Variants in ITPKB observed in about 807,000 individuals in gnomAD.
ITPKB encodes inositol-trisphosphate 3-kinase B, also known as IP3 3-kinase B.
ITPKB carries 13 observed loss-of-function variants against 69.4 expected under a neutral mutation model. The ratio of observed to expected loss-of-function variants is 0.19; its 90% confidence interval spans 0.12 to 0.30. The LOEUF (loss-of-function observed/expected upper bound fraction) is 0.30. Among genes scored for constraint, ITPKB ranks in the 10% least tolerant of loss-of-function variants. ITPKB has a pLI of 1.00. For synonymous variants in ITPKB, 584 were observed against 513.7 expected (o/e 1.14, Z -1.85); for missense variants, 1,240 against 1,250.5 (o/e 0.99, Z 0.13).
intron 3 of ITPKB, among the ~76,000 whole-genome samples, 196 bp downstream of exon 3, chr1:226,648,476 C>T (rs752029115): frequency 3.3e-5 from 5 of 151,998 alleles, no homozygotes; most frequent in African/African-American, 1.2e-4. Context: ...GTAACACAGA[C>T]TCCAGAGAGG....
chr1:226,694,782 GACATTGTCAA>G (rs1486618114), intron 2 of ITPKB, among the ~76,000 whole-genome samples: 1 of 152,214 alleles, frequency 6.6e-6, no homozygotes, highest in African/African-American at 2.4e-5. Flanking sequence ...AATGTCTCCA[GACATTGTCAA>G]ACATCCCCTA....
intron 2 of ITPKB, among the ~76,000 whole-genome samples, chr1:226,700,101 G>A (rs1281913283): frequency 6.6e-6 from 1 of 152,080 alleles, no homozygotes; most frequent in Non-Finnish European, 1.5e-5. Flanking sequence ...ATTAAGGGTG[G>A]GTCTGCCTTT....
At chr1:226,679,301 T>C (rs528074152) in intron 2 of ITPKB, among the ~76,000 whole-genome samples, 7 of 152,366 alleles carry the variant, frequency 4.6e-5, no homozygotes, top group Non-Finnish European at 8.8e-5. Flanking sequence ...TGATCTTATT[T>C]AAAATCTCTG....
At chr1:226,716,558 C>A (rs939407937) in intron 2 of ITPKB, among the ~76,000 whole-genome samples, 1 of 152,214 alleles carries the variant, frequency 6.6e-6, no homozygotes, top group Admixed American at 6.5e-5. Context: ...TATCCTGATG[C>A]TTTCCCTACC....
chr1:226,639,447 G>A (rs1668906901), intron 6 of ITPKB, 110 bp downstream of exon 6: 1 of 759,214 alleles, frequency 1.3e-6, no homozygotes, highest in Admixed American at 1.9e-5. Flanking sequence ...TCGGGCTGGG[G>A]TGTGCTGTCC....
chr1:226,662,358 A>G (rs1386187600), intron 2 of ITPKB, among the ~76,000 whole-genome samples: 1 of 152,244 alleles, frequency 6.6e-6, no homozygotes, highest in African/African-American at 2.4e-5. Context: ...TCCCAGGCAC[A>G]GCCCTGCTAA....
intron 2 of ITPKB, chr1:226,707,760 T>C (rs909608952): frequency 9.4e-7 from 1 of 1,063,252 alleles, no homozygotes; most frequent in Non-Finnish European, 1.2e-6. Flanking sequence ...CCAATGGTCG[T>C]AGGGAAACTG....
At chr1:226,720,967 G>C (rs981182518) in intron 2 of ITPKB, among the ~76,000 whole-genome samples, 1 of 136,368 alleles carries the variant, frequency 7.3e-6, no homozygotes, top group Non-Finnish European at 1.6e-5. Flanking sequence ...GCTTGAACCC[G>C]GGCAGCAGAG....
At position 226,735,787 on chromosome 1, in the gene ITPKB, T is replaced by C. The variant is rs1427856557; in HGVS notation, c.1672A>G (p.Arg558Gly). Residue 558 changes from arginine to glycine, a missense_variant, in exon 2 of 8, where the codon AGG becomes GGG. By Grantham distance (125) the Arg-to-Gly change is moderately radical. Transcript: ENST00000429204. ...LPQDPDKPFL[R>G]KACSPSNIPA... ...ATGTTGCTGGGGCTGCAGGCCTTCC[T>C]CAGGAAAGGCTTGTCCGGATCTTGG... is the stretch of plus-strand genomic sequence containing the variant. 6.2e-7 allele frequency: 1 copy of C among 1,602,284 alleles called. No homozygotes were observed. The highest frequency in any genetic ancestry group is 8.5e-7 in the Non-Finnish European group (1 of 1,170,810).
At position 226,737,011 on chromosome 1, in the gene ITPKB, A is replaced by G; in HGVS notation, c.448T>C (p.Phe150Leu). The G allele has an allele frequency of 1.2e-6, 2 of 1,612,796 alleles. No homozygotes were observed. The highest frequency in any genetic ancestry group is 1.7e-5 in the Admixed American group (1 of 60,028). ...CTCTGTGCCTGGATGTGCGCCTCAA[A>G]CATGCCCACTTTCTGGTTCACCTGC... ...NVQVNQKVGM[F>L]EAHIQAQSSA... Residue 150 changes from phenylalanine to leucine, a missense_variant, in exon 2 of 8, where the codon TTT becomes CTT. Around this residue, in one of 2 missense-constraint regions of ITPKB, gnomAD observed 992 missense variants for 853.8 expected, o/e 1.16. Coordinates refer to ENST00000429204, the MANE Select transcript of ITPKB (RefSeq NM_002221.4).
In ITPKB at chr1:226,647,304, C is replaced by T; in HGVS notation, c.2109G>A (p.Leu703=). 3 of 1,614,238 alleles carry T rather than the reference C, an allele frequency of 1.9e-6. No homozygotes were observed. Among genetic ancestry groups the T allele is most frequent in the Non-Finnish European group, 2.5e-6 (3 of 1,180,040 alleles). The part of the protein sequence containing the change: ...CESEQRCLDR[L]MVDVLRPFVP... Reference sequence around the variant, plus strand: ...CGAAGGGCCTCAGCACATCCACCATCAGCCGGTCCAGGCAGCGCTGCTCTG... The same window carrying T: ...CGAAGGGCCTCAGCACATCCACCATTAGCCGGTCCAGGCAGCGCTGCTCTG... Residue 703 remains leucine, a synonymous_variant, in exon 4 of 8, where the codon CTG becomes CTA. Coordinates refer to ENST00000429204, the MANE Select transcript of ITPKB (RefSeq NM_002221.4).
At chr1:226,718,070 C>T (rs1008674443) in intron 2 of ITPKB, among the ~76,000 whole-genome samples, 5 of 151,090 alleles carry the variant, frequency 3.3e-5, no homozygotes, top group Admixed American at 6.6e-5. Context: ...CCGAGGCAGG[C>T]GGATCACAAG....
At chr1:226,701,603 CAAAAAAAA>C (rs58756019) in intron 2 of ITPKB, among the ~76,000 whole-genome samples, 831 of 44,838 alleles carry the variant, frequency 0.019, 7 homozygotes, top group Non-Finnish European at 0.028. Flanking sequence ...GACTCCGTCT[CAAAAAAAA>C]AAAAAAAAAA....
chr1:226,724,632 C>T (rs1234918215), intron 2 of ITPKB, among the ~76,000 whole-genome samples: 3 of 152,156 alleles, frequency 2.0e-5, no homozygotes, highest in Non-Finnish European at 4.4e-5. Flanking sequence ...TAGGGTCACA[C>T]AGATAGGAAG....
At chr1:226,636,752 C>CTGTGTG (rs3831353) in intron 7 of ITPKB, among the ~76,000 whole-genome samples, 2,058 of 140,042 alleles carry the variant, frequency 0.015, 24 homozygotes, top group African/African-American at 0.021. Context: ...GACTGCAGCT[C>CTGTGTG]TGTGTGTGTG....
Position 226,641,776 on chromosome 1 carries a change from C to T in ITPKB, c.2451+145G>A. 1 of 741,510 alleles carries T rather than the reference C, an allele frequency of 1.3e-6. No homozygotes were observed. Among genetic ancestry groups the T allele is most frequent in the East Asian group, 2.6e-5 (1 of 38,450 alleles). 45.9% of individuals were successfully genotyped at this position (741,510 alleles called of 1,614,324 possible). ...CGCCTGAGGAATAGGCTGATGTCTC[C>T]AAATGTCTGGCCTTGGGGCGGGCCA... On this transcript the variant is annotated intron_variant, in intron 5 of 7. Transcript: ENST00000429204. This position sits in a 1 kb window ranked among gnomAD's most constrained non-coding sequence, Gnocchi z 4.6.
At chr1:226,659,881 T>C (rs1386191220) in intron 2 of ITPKB, among the ~76,000 whole-genome samples, 2 of 152,106 alleles carry the variant, frequency 1.3e-5, no homozygotes, top group East Asian at 3.9e-4. Flanking sequence ...AGGAATCCAA[T>C]ACTCCCGGCA....
At chr1:226,667,592 G>A (rs1485265449) in intron 2 of ITPKB, among the ~76,000 whole-genome samples, 1 of 152,106 alleles carries the variant, frequency 6.6e-6, no homozygotes, top group Non-Finnish European at 1.5e-5. Flanking sequence ...AGGTAACCTG[G>A]GCTGGCTCCT....
At chr1:226,680,977 A>G (rs1488482674) in intron 2 of ITPKB, among the ~76,000 whole-genome samples, 1 of 152,210 alleles carries the variant, frequency 6.6e-6, no homozygotes, top group Non-Finnish European at 1.5e-5. Flanking sequence ...TGAAGTGGTC[A>G]GCCTCTGAGG....
Sources: gnomAD v4.1 joint callset for allele counts (sites outside exome capture counted in the v4.1 genomes callset) on GRCh38, gnomAD v4.1.1 for gene constraint, gnomAD v4.1.1 regional missense constraint, Gnocchi (gnomAD v3.1) non-coding constraint, MANE v1.5 for transcripts, NCBI Gene and HGNC (gene_info 2026-07-23, HGNC 2026-07-21) for gene names.